The following SLC1A6 variants were observed in gnomAD, a reference collection of about 807,000 sequenced individuals.
SLC1A6 encodes the protein solute carrier family 1 member 6.
SLC1A6 carries 15 observed loss-of-function variants against 42.1 expected under a neutral mutation model. The observed-to-expected ratio is 0.36, with a 90% CI of 0.24 to 0.55. The LOEUF (loss-of-function observed/expected upper bound fraction) is 0.55. SLC1A6 is among the 20% of genes least tolerant of loss of function. The pLI, the probability that SLC1A6 is intolerant of heterozygous loss-of-function variation, is 0.88. For missense variants in SLC1A6, 542 were observed against 772.5 expected (o/e 0.70, Z 3.54); for synonymous variants, 317 against 319.7 (o/e 0.99, Z 0.09).
At chr19:14,998,061 G>T (rs1368271935) in intron 1 of SLC1A6, among the ~76,000 whole-genome samples, 1 of 151,878 alleles carries the variant, frequency 6.6e-6, no homozygotes, top group East Asian at 1.9e-4. Context: ...ATTAACATAT[G>T]CATGTAAACT....
chr19:15,009,025 T>C (rs11672455), intron 1 of SLC1A6, among the ~76,000 whole-genome samples: 7,019 of 150,300 alleles, frequency 0.047, 257 homozygotes, highest in African/African-American at 0.095. Flanking sequence ...ATATAAAATA[T>C]ACATATATGC....
At chr19:14,958,389 C>T (rs182737479) in intron 6 of SLC1A6, among the ~76,000 whole-genome samples, 2,226 of 150,496 alleles carry the variant, frequency 0.015, 22 homozygotes, top group South Asian at 0.024. Context: ...CCAGCTTGGG[C>T]GACAGAGCCA....
At chr19:15,008,171 T>G (rs1600045234) in intron 1 of SLC1A6, among the ~76,000 whole-genome samples, 1 of 151,990 alleles carries the variant, frequency 6.6e-6, no homozygotes, top group Non-Finnish European at 1.5e-5. Flanking sequence ...TTAGCAAGAC[T>G]CTGTCTTTAC....
intron 1 of SLC1A6, among the ~76,000 whole-genome samples, chr19:14,978,846 C>T (rs2045739792): frequency 1.3e-5 from 2 of 152,198 alleles, no homozygotes; most frequent in South Asian, 4.1e-4. Flanking sequence ...CTCTGCACAA[C>T]TACCCTTCAT....
At chr19:14,997,937 T>A (rs898589267) in intron 1 of SLC1A6, among the ~76,000 whole-genome samples, 1 of 152,054 alleles carries the variant, frequency 6.6e-6, no homozygotes, top group South Asian at 2.1e-4. Flanking sequence ...TCTACTCCAA[T>A]CTTCATGTCT....
At chr19:14,970,916 G>A (rs1470232719) in intron 3 of SLC1A6, among the ~76,000 whole-genome samples, 1 of 152,080 alleles carries the variant, frequency 6.6e-6, no homozygotes, top group East Asian at 1.9e-4. Context: ...CAGATCATGA[G>A]GTCAGGAAAT....
At chr19:14,972,983 C>T (rs8103212) in intron 1 of SLC1A6, 66 bp from the exon 2 acceptor site, 678,300 of 1,280,364 alleles carry the variant, frequency 0.53, 180,485 homozygotes, top group East Asian at 0.68. Flanking sequence ...GGGCAGATGG[C>T]GAAGGCTGCG....
At chr19:14,957,259 A>G (rs2045471614) in intron 6 of SLC1A6, among the ~76,000 whole-genome samples, 1 of 152,126 alleles carries the variant, frequency 6.6e-6, no homozygotes, top group Admixed American at 6.6e-5. Flanking sequence ...CATTCCACAG[A>G]TATTGACTGA....
At chr19:14,986,652 G>A (rs2045794361) in intron 1 of SLC1A6, among the ~76,000 whole-genome samples, 1 of 150,490 alleles carries the variant, frequency 6.6e-6, no homozygotes, top group Non-Finnish European at 1.5e-5. Flanking sequence ...GTGCAGTGGT[G>A]CAATCATAGC....
chr19:14,990,121 ACCC>A (rs79329282), intron 1 of SLC1A6, among the ~76,000 whole-genome samples: 80,551 of 151,294 alleles, frequency 0.53, 21,538 homozygotes, highest in South Asian at 0.68. Flanking sequence ...AGATATCTGC[ACCC>A]CCATGCTCAT....
intron 1 of SLC1A6, among the ~76,000 whole-genome samples, chr19:14,993,058 G>T (rs921973020): frequency 6.6e-6 from 1 of 152,118 alleles, no homozygotes; most frequent in African/African-American, 2.4e-5. Context: ...GGAGGACCAG[G>T]TCTCCCCGTC....
At position 14,968,475 on chromosome 19, in the gene SLC1A6, G is replaced by A. The variant is rs148535335; in HGVS notation, c.376C>T (p.Arg126Trp). 42 of 1,612,086 alleles carry A rather than the reference G, an allele frequency of 2.6e-5. No homozygotes were observed. Among genetic ancestry groups the A allele is most frequent in the South Asian group, 1.1e-4 (10 of 90,846 alleles). Residue 126 changes from arginine (R) to tryptophan (W), a missense_variant, in exon 4 of 10, where the codon CGG becomes TGG. By Grantham distance (101) the Arg-to-Trp change is moderately radical. This residue lies in a region of SLC1A6 where 298 missense variants were observed against 419.4 expected (regional missense o/e 0.71). Coordinates refer to ENST00000594383, the MANE Select transcript of SLC1A6 (RefSeq NM_005071.3). ...MASLDNKATG[R>W]MGMRAAVYYM... ...TACACAGCTGCCCGCATCCCCATCC[G>A]CCCCGTGGCCTTGTTGTCCAGGGAT... is the stretch of plus-strand genomic sequence containing the variant.
chr19:14,970,827 T>A (rs2145200311), intron 3 of SLC1A6, among the ~76,000 whole-genome samples: 1 of 151,280 alleles, frequency 6.6e-6, no homozygotes, highest in South Asian at 2.1e-4. Flanking sequence ...GTTAAGCTTT[T>A]CGGGAGTCAA....
Position 14,985,743 on chromosome 19 carries a change from G to A in SLC1A6, c.7-12826C>T, listed in dbSNP as rs535760870. Among the ~76,000 whole-genome samples the A allele has an allele frequency of 5.3e-5, 8 of 152,274 alleles. No individual in the cohort carries two copies. In the East Asian group the frequency reaches 9.7e-4, roughly 18 times the overall value. ...TTTGGGAGGCCAAGGAGGGAGGATC[G>A]TTTGAGGCCAGGAGTTTGAGGCCAG... On this transcript the variant is annotated intron_variant, in intron 1 of 8. Coordinates refer to the SLC1A6 transcript ENST00000430939.
chr19:14,973,954 T>A (rs1341838631), intron 1 of SLC1A6: 1 of 152,306 alleles, frequency 6.6e-6, no homozygotes, highest in East Asian at 1.9e-4. Flanking sequence ...GTGATGTTCA[T>A]GAGCCCCTCT....
rs535730123 is a variant in SLC1A6, at chr19:14,962,277, C to T, written c.660G>A (p.Pro220=). 1,004 of 1,614,130 alleles carry T rather than the reference C, an allele frequency of 6.2e-4. 16 individuals carry two copies. The South Asian group carries it at 9.6e-3, about 15-fold the overall frequency. ...TMVRTENGSE[P]GASMPPPFSV... is the part of the protein sequence containing the mutation. The stretch of plus-strand genomic sequence containing the variant: ...AGAATGGAGGAGGCATGGAGGCACC[C>T]GGCTCAGACCCGTTCTCTGTCCTCA... The change falls in exon 6 of 10, where the codon CCG becomes CCA. Residue 220 remains proline, a synonymous_variant. Transcript: ENST00000594383.
intron 5 of SLC1A6, among the ~76,000 whole-genome samples, chr19:14,963,158 G>A (rs1599994190): frequency 6.6e-6 from 1 of 152,292 alleles, no homozygotes; most frequent in East Asian, 1.9e-4. Context: ...TGTGACAAGA[G>A]GGTTGAACCT....
At chr19:14,972,007 T>C in intron 2 of SLC1A6, 133 bp from the exon 3 acceptor site, 1 of 768,224 alleles carries the variant, frequency 1.3e-6, no homozygotes, top group Non-Finnish European at 2.1e-6. Context: ...TGTGTATTTG[T>C]GTGTGCACTG....
chr19:15,006,342 A>G (rs921663124), intron 1 of SLC1A6, among the ~76,000 whole-genome samples: 3 of 152,128 alleles, frequency 2.0e-5, no homozygotes, highest in Non-Finnish European at 4.4e-5. Flanking sequence ...TACAGACCAT[A>G]ATATCCTCCT....
Sources: allele counts gnomAD v4.1 joint callset (sites outside exome capture counted in the v4.1 genomes callset), GRCh38; gene constraint gnomAD v4.1.1; regional missense constraint gnomAD v4.1.1; transcripts MANE v1.5; gene names NCBI Gene and HGNC (gene_info 2026-07-23, HGNC 2026-07-21).